MDN1: variants seen among roughly 807,000 people sequenced by gnomAD.
MDN1 encodes the protein midasin AAA ATPase 1, also known as midasin.
In MDN1, 266 loss-of-function variants were observed where a neutral mutation model predicts 669.2. The observed-to-expected ratio is 0.40, with a 90% confidence interval of 0.36 to 0.44. MDN1 has a LOEUF of 0.44. Among genes scored for constraint, MDN1 ranks in the 20% least tolerant of loss-of-function variants. MDN1 has a pLI of 1.00. For synonymous variants in MDN1, 2,385 were observed against 2,457.1 expected (o/e 0.97, Z 0.87); for missense variants, 5,940 against 6,754.0 (o/e 0.88, Z 4.22).
rs1810636806 is a variant in MDN1 at position 89,670,177 on chromosome 6, T to TC, written c.13956+741_13956+742insG. ...ATATATATATATATATATATTTTTT[T>TC]TTTTTTTTTTTTTGAGATGCAGTTT... On this transcript the variant is annotated intron_variant, in intron 83 of 101. Coordinates refer to ENST00000369393, the MANE Select transcript of MDN1 (RefSeq NM_014611.3). Among the ~76,000 whole-genome samples, 3 of 83,382 alleles carry TC rather than the reference T, an allele frequency of 3.6e-5. No homozygotes were observed. In the South Asian group the frequency reaches 1.3e-3, roughly 36 times the overall value. The allele number at this position is 83,382 out of a possible 152,430, so 54.7% of individuals were successfully genotyped here. A position where few individuals can be genotyped will look rare whatever the true frequency, so the allele number is the denominator to read the frequency against.
intron 33 of MDN1, 81 bp from the exon 34 acceptor site, chr6:89,732,856 G>T: frequency 8.2e-7 from 1 of 1,226,580 alleles, no homozygotes; most frequent in Non-Finnish European, 1.2e-6. Flanking sequence ...GCACACAAAT[G>T]GCCTAAAAGG....
At chr6:89,723,446 T>G in intron 39 of MDN1, 66 bp downstream of exon 39, 1 of 995,676 alleles carries the variant, frequency 1.0e-6, no homozygotes, top group South Asian at 1.7e-5. Context: ...TAGAACTCTA[T>G]GTTGAAAAAA....
At chr6:89,729,677 GTTTT>G (rs35914010) in intron 35 of MDN1, among the ~76,000 whole-genome samples, 1 of 100,756 alleles carries the variant, frequency 9.9e-6, no homozygotes, top group Non-Finnish European at 1.9e-5. Flanking sequence ...TTTTGTTTTC[GTTTT>G]TTTTTTTTTT....
In MDN1 at chr6:89,695,939, A is replaced by T. The variant is rs1036875447; in HGVS notation, c.9437T>A (p.Leu3146Gln). ...GQVLFRHLAGLAELLPESRRQ... is the reference protein window; with the variant it reads ...GQVLFRHLAGQAELLPESRRQ... Reference sequence around the variant, plus strand: ...CCGGGACTCTGGGAGCAGCTCTGCTAGGCCTGCCAGGTGCCGGAACAGCAC... The same window carrying T: ...CCGGGACTCTGGGAGCAGCTCTGCTTGGCCTGCCAGGTGCCGGAACAGCAC... Residue 3146 changes from leucine (L) to glutamine (Q), a missense_variant, in exon 61 of 102, where the codon CTA becomes CAA. Leu to Gln is a moderately radical substitution (Grantham distance 113, BLOSUM62 -2). Transcript: ENST00000369393. The surrounding 1 kb of genome is among the most constrained non-coding windows in gnomAD (Gnocchi z 4.1). The T allele has an allele frequency of 1.2e-6, 2 of 1,612,182 alleles. No homozygotes were observed. Among genetic ancestry groups the T allele is most frequent in the Admixed American group, 3.3e-5 (2 of 60,024 alleles).
chr6:89,717,725 C>A (rs546481282), intron 43 of MDN1, among the ~76,000 whole-genome samples: 1 of 152,068 alleles, frequency 6.6e-6, no homozygotes. Flanking sequence ...AGTGGCCCAC[C>A]GCCACAGATA....
intron 7 of MDN1, among the ~76,000 whole-genome samples, chr6:89,789,142 A>G (rs1819123777): frequency 6.6e-6 from 1 of 152,154 alleles, no homozygotes; most frequent in Non-Finnish European, 1.5e-5. Flanking sequence ...AAAAAAGAAA[A>G]AGAAAATTAA....
At position 89,772,707 on chromosome 6, in the gene MDN1, A is replaced by G. The variant is rs768998273; in HGVS notation, c.1949T>C (p.Phe650Ser). ...AACAGAGGACGGCCGTGTAGCAGCG[A>G]AAGTGAACTTCTCCCTGGGAAGGAG... ...AVHLQREKFTFAATRPSSVLI... is the reference protein window; with the variant it reads ...AVHLQREKFTSAATRPSSVLI... The change falls in exon 14 of 102, where the codon TTC becomes TCC. Residue 650 changes from phenylalanine to serine, a missense_variant. Coordinates refer to ENST00000369393, the MANE Select transcript of MDN1 (RefSeq NM_014611.3). 3 of 1,613,644 alleles carry G rather than the reference A, an allele frequency of 1.9e-6. No individual in the cohort carries two copies. The highest frequency in any genetic ancestry group is 2.5e-6 in the Non-Finnish European group (3 of 1,179,844).
chr6:89,762,475 C>A lies in MDN1; in HGVS notation c.2200G>T (p.Glu734Ter). The stretch of plus-strand genomic sequence containing the variant: ...TTGGAAAATGTCTGAGCAAAGAGTT[C>A]CTCAAATGCCTCCCGTAAGGGTAGC... ...IWLPLREAFE[E>*]LFAQTFSKKQ... Residue 734 changes from glutamate (E) to a stop codon, truncating the protein, a stop_gained, in exon 16 of 102, where the codon GAA becomes TAA. Transcript: ENST00000369393. LOFTEE classifies it high-confidence loss of function. The A allele has an allele frequency of 6.2e-7, 1 of 1,614,134 alleles. No homozygotes were observed. The highest frequency in any genetic ancestry group is 8.5e-7 in the Non-Finnish European group (1 of 1,180,000).
chr6:89,696,274 C>G (rs9362672), intron 60 of MDN1, 86 bp downstream of exon 60: 929,165 of 1,385,230 alleles, frequency 0.67, 314,571 homozygotes, highest in East Asian at 0.92. Context: ...CTAGCCACTA[C>G]AGAAGGAAGT....
chr6:89,716,741 T>A lies in MDN1; in HGVS notation c.6652A>T (p.Ser2218Cys). 1 of 1,614,008 alleles carries A rather than the reference T, an allele frequency of 6.2e-7. No individual in the cohort carries two copies. The highest frequency in any genetic ancestry group is 1.1e-5 in the South Asian group (1 of 91,052). Residue 2218 changes from serine (S) to cysteine (C), a missense_variant, in exon 44 of 102, where the codon AGC becomes TGC. Ser to Cys is a moderately radical substitution (Grantham distance 112). This residue lies in a region of MDN1 where 2,292 missense variants were observed against 2,638.3 expected (regional missense o/e 0.87). Transcript: ENST00000369393. ...TCAACCCATTCAAATGTGCCATGGC[T>A]ATGGCCACTGGCCAACTGCGTAAGC... is the stretch of plus-strand genomic sequence containing the variant. ...VKLTQLASGH[S>C]HGTFEWVDSM...
chr6:89,792,811 C>A (rs1448258429), intron 5 of MDN1, among the ~76,000 whole-genome samples: 1 of 151,674 alleles, frequency 6.6e-6, no homozygotes, highest in Non-Finnish European at 1.5e-5. Flanking sequence ...CGAGGTCAGG[C>A]ATTCGAGACC....
At chr6:89,796,324 CA>C (rs35169575) in intron 2 of MDN1, among the ~76,000 whole-genome samples, 2,377 of 44,900 alleles carry the variant, frequency 0.053, 14 homozygotes, top group African/African-American at 0.14. Context: ...AACTCTGTCT[CA>C]AAAAAAAAAA....
At chr6:89,700,001 G>A (rs1010156649) in intron 57 of MDN1, 62 bp downstream of exon 57, 86 of 1,446,344 alleles carry the variant, frequency 5.9e-5, no homozygotes, top group Non-Finnish European at 7.7e-5. Flanking sequence ...ATGGGTATAG[G>A]ATACACAGAA....
intron 43 of MDN1, 52 bp from the exon 44 acceptor site, chr6:89,716,861 A>G (rs1192528459): frequency 2.0e-6 from 3 of 1,477,340 alleles, no homozygotes; most frequent in Non-Finnish European, 1.8e-6. Context: ...CTTCAAACAA[A>G]GAATTAAGTT....
Position 89,758,903 on chromosome 6 carries a change from A to G in MDN1, c.2518T>C (p.Leu840=). The G allele has an allele frequency of 6.2e-7, 1 of 1,614,042 alleles. No individual in the cohort carries two copies. The highest frequency in any genetic ancestry group is 8.5e-7 in the Non-Finnish European group (1 of 1,179,882). Residue 840 remains leucine, a synonymous_variant, in exon 18 of 102, where the codon TTG becomes CTG. Coordinates refer to ENST00000369393, the MANE Select transcript of MDN1 (RefSeq NM_014611.3). ...CATTCTAGTATTTCTGGAGCAGCCA[A>G]GTTAATCTCATCCAACAAGATCCAC... ...GEWILLDEIN[L]AAPEILECLS...
chr6:89,735,136 C>G (rs1381577895), intron 33 of MDN1, among the ~76,000 whole-genome samples: 1 of 152,028 alleles, frequency 6.6e-6, no homozygotes, highest in Non-Finnish European at 1.5e-5. Context: ...GATCTGCCCT[C>G]CTCGGCCTCC....
At position 89,749,755 on chromosome 6, in the gene MDN1, G is replaced by C. The variant is rs1816854204; in HGVS notation, c.3407-4C>G. On this transcript the variant is annotated splice_polypyrimidine_tract_variant and splice_region_variant and intron_variant, in intron 24 of 101. Transcript: ENST00000369393. ...CTCATGGCATCAATAAGAACACCTA[G>C]GAAGAAACAAACAGCAAGAACTAGT... is the stretch of plus-strand genomic sequence containing the variant. 1.3e-6 allele frequency: 2 copies of C among 1,595,560 alleles called. No homozygotes were observed. Among genetic ancestry groups the C allele is most frequent in the African/African-American group, 2.7e-5 (2 of 74,464 alleles).
intron 2 of MDN1, among the ~76,000 whole-genome samples, chr6:89,801,423 T>C (rs1341529673): frequency 1.3e-5 from 2 of 151,692 alleles, no homozygotes; most frequent in Non-Finnish European, 2.9e-5. Context: ...GAGGTCGAGG[T>C]AGGCAGATCA....
rs1028172759 is a variant in MDN1 at position 89,662,196 on chromosome 6, C to G, written c.14456G>C (p.Gly4819Ala). 1.9e-6 allele frequency: 3 copies of G among 1,613,748 alleles called. No homozygotes were observed. The African/African-American group carries it at 4.0e-5, about 22-fold the overall frequency. The stretch of plus-strand genomic sequence containing the variant: ...CTGGCTTTTATCTTTGTTTGAATTG[C>G]CACTATCCAAGTTGTCATCTTTAGC... ...LVAKDDNLDS[G>A]NSNKDKSQQD... The change falls in exon 87 of 102, where the codon GGC (glycine) becomes GCC (alanine). Residue 4819 changes from glycine (G) to alanine (A), a missense_variant. Transcript: ENST00000369393.
Sources: allele counts gnomAD v4.1 joint callset (sites outside exome capture counted in the v4.1 genomes callset), GRCh38; gene constraint gnomAD v4.1.1; regional missense constraint gnomAD v4.1.1; non-coding constraint Gnocchi (gnomAD v3.1); transcripts MANE v1.5; gene names NCBI Gene and HGNC (gene_info 2026-07-23, HGNC 2026-07-21).